The following ST6GALNAC5 variants were observed in gnomAD, a reference collection of about 807,000 sequenced individuals.
The protein encoded by ST6GALNAC5 is alpha-N-acetylgalactosaminide alpha-2,6-sialyltransferase 5.
In ST6GALNAC5, 27 loss-of-function variants were observed where a neutral mutation model predicts 33.6. The observed-to-expected ratio is 0.80, with a 90% CI of 0.59 to 1.11. ST6GALNAC5 has a LOEUF of 1.11. Ranked by LOEUF, ST6GALNAC5 falls within the 50% of genes least tolerant of loss-of-function variation. ST6GALNAC5 has a pLI of 0.00. For missense variants in ST6GALNAC5, 428 were observed against 454.0 expected, an observed-to-expected ratio of 0.94 and a Z score of 0.52; for synonymous variants, 194 against 171.2, an observed-to-expected ratio of 1.13 and a Z score of -1.04.
intron 2 of ST6GALNAC5, among the ~76,000 whole-genome samples, chr1:77,002,376 T>A (rs1570079388): frequency 6.6e-6 from 1 of 152,158 alleles, no homozygotes; most frequent in Admixed American, 6.5e-5. Context: ...TTGATTCTTC[T>A]CTCTTTTTTT....
chr1:76,873,647 C>G (rs1366553886), intron 2 of ST6GALNAC5, among the ~76,000 whole-genome samples: 1 of 152,120 alleles, frequency 6.6e-6, no homozygotes, highest in Non-Finnish European at 1.5e-5. Context: ...AAAAGTAATT[C>G]TAATAACAGG....
intron 2 of ST6GALNAC5, among the ~76,000 whole-genome samples, chr1:76,980,409 G>A (rs764791553): frequency 3.3e-5 from 5 of 152,088 alleles, no homozygotes; most frequent in Admixed American, 6.6e-5. Context: ...AGTTTTCTTT[G>A]AGGCCTAGTG....
At chr1:76,923,788 A>G (rs1342385092) in intron 2 of ST6GALNAC5, among the ~76,000 whole-genome samples, 1 of 152,162 alleles carries the variant, frequency 6.6e-6, no homozygotes, top group Non-Finnish European at 1.5e-5. Flanking sequence ...GCAGCAGAAC[A>G]ATTACGTGTA....
At chr1:77,045,184 G>C (rs979316618) in intron 3 of ST6GALNAC5, among the ~76,000 whole-genome samples, 1 of 152,134 alleles carries the variant, frequency 6.6e-6, no homozygotes. Flanking sequence ...AACCCAAACT[G>C]TTAGCTACAA....
chr1:76,868,430 C>T lies in ST6GALNAC5; in HGVS notation c.16-67C>T. 4 of 1,539,778 alleles carry T rather than the reference C, an allele frequency of 2.6e-6. No homozygotes were observed. The highest frequency in any genetic ancestry group is 3.5e-6 in the Non-Finnish European group (4 of 1,141,376). On this transcript the variant is annotated intron_variant, in intron 1 of 4. Coordinates refer to ENST00000477717, the MANE Select transcript of ST6GALNAC5 (RefSeq NM_030965.3). The surrounding 1 kb of genome is among the most constrained non-coding windows in gnomAD (Gnocchi z 4.3). ...AGAGTGACCACCGCACAGTTGTCCCCGCTGGGCGCGCTCCTCCGGTGTCTG... is the reference window on the plus strand; with the variant it reads ...AGAGTGACCACCGCACAGTTGTCCCTGCTGGGCGCGCTCCTCCGGTGTCTG...
intron 2 of ST6GALNAC5, among the ~76,000 whole-genome samples, chr1:76,893,503 G>A (rs994101783): frequency 3.3e-5 from 5 of 152,170 alleles, no homozygotes; most frequent in Non-Finnish European, 4.4e-5. Flanking sequence ...GCTGTATAAT[G>A]TGTAAGGAGT....
At chr1:77,055,063 C>T (rs1652346071) in intron 4 of ST6GALNAC5, among the ~76,000 whole-genome samples, 1 of 151,896 alleles carries the variant, frequency 6.6e-6, no homozygotes, top group African/African-American at 2.4e-5. Context: ...CACTTGTCTT[C>T]TTCCTCTCCA....
At chr1:76,912,587 G>A (rs560993954) in intron 2 of ST6GALNAC5, among the ~76,000 whole-genome samples, 1 of 151,482 alleles carries the variant, frequency 6.6e-6, no homozygotes, top group Non-Finnish European at 1.5e-5. Flanking sequence ...CTCAGGACTT[G>A]CTTTATGAAT....
In ST6GALNAC5 at chr1:77,067,032, G is replaced by A. The variant is rs1032633896; in HGVS notation, c.*3826G>A. Among the ~76,000 whole-genome samples, 1 of 152,202 alleles carries A rather than the reference G, an allele frequency of 6.6e-6. No homozygotes were observed. The highest frequency in any genetic ancestry group is 6.6e-5 in the Admixed American group (1 of 15,264). ...CATTATGGTTTGCCCAGGGCCAAGT[G>A]GGGAGTGAAGAAGAGGGGTCCCCAA... is the stretch of plus-strand genomic sequence containing the variant. On this transcript the variant is annotated 3_prime_UTR_variant, in exon 5 of 5. Transcript: ENST00000477717.
intron 2 of ST6GALNAC5, among the ~76,000 whole-genome samples, chr1:77,008,586 G>A (rs1186697025): frequency 2.0e-5 from 3 of 152,080 alleles, no homozygotes; most frequent in African/African-American, 7.2e-5. Context: ...CTGGAGTGCA[G>A]TGGCTCAATC....
At chr1:76,877,905 G>A (rs977627480) in intron 2 of ST6GALNAC5, among the ~76,000 whole-genome samples, 2 of 152,236 alleles carry the variant, frequency 1.3e-5, no homozygotes, top group East Asian at 1.9e-4. Flanking sequence ...GGAGAAAAAG[G>A]CATTTGCCGA....
chr1:77,049,134 CCTCT>C (rs1314314403), intron 3 of ST6GALNAC5, among the ~76,000 whole-genome samples: 4 of 152,230 alleles, frequency 2.6e-5, no homozygotes, highest in South Asian at 2.1e-4. Flanking sequence ...TTAAAAATGT[CCTCT>C]CTCTATTTTT....
intron 2 of ST6GALNAC5, among the ~76,000 whole-genome samples, chr1:77,007,360 T>A (rs1280054164): frequency 6.6e-6 from 1 of 152,232 alleles, no homozygotes; most frequent in Admixed American, 6.5e-5. Context: ...GAGGGTTCAT[T>A]CATTAATTTA....
intron 2 of ST6GALNAC5, among the ~76,000 whole-genome samples, chr1:76,902,561 C>T (rs1364841482): frequency 6.6e-6 from 1 of 152,030 alleles, no homozygotes. Flanking sequence ...TTGCAGGGGA[C>T]TCAGAATAGC....
chr1:76,879,681 G>T (rs1203554917), intron 2 of ST6GALNAC5, among the ~76,000 whole-genome samples: 2 of 152,178 alleles, frequency 1.3e-5, no homozygotes, highest in Non-Finnish European at 2.9e-5. Flanking sequence ...GCAGCACAGG[G>T]TTTATGTCCT....
chr1:77,006,431 C>T (rs961642203), intron 2 of ST6GALNAC5, among the ~76,000 whole-genome samples: 16 of 151,058 alleles, frequency 1.1e-4, no homozygotes, highest in South Asian at 4.2e-4. Context: ...CTCCTGCCTC[C>T]GCCTCCTGAG....
intron 2 of ST6GALNAC5, among the ~76,000 whole-genome samples, chr1:76,909,335 C>G (rs2100277184): frequency 6.6e-6 from 1 of 152,178 alleles, no homozygotes; most frequent in South Asian, 2.1e-4. Flanking sequence ...CTTACACTCC[C>G]AAAGCCTCAG....
rs201393696 is a variant in ST6GALNAC5, at chr1:76,919,736, AAAAC to A, written c.261+51011_261+51014del. ...AAGCCAAGAGTTCTTAGTTACTTGA[AAAAC>A]AAACAAACAAACAAACTTCTGACCT... On this transcript the variant is annotated intron_variant, in intron 2 of 4. Coordinates refer to ENST00000477717, the MANE Select transcript of ST6GALNAC5 (RefSeq NM_030965.3). 6.8e-3 allele frequency among the ~76,000 whole-genome samples: 1,028 copies of A among 152,292 alleles called. 6 individuals are homozygous for A. The highest frequency in any genetic ancestry group is 9.8e-3 in the Non-Finnish European group (666 of 68,020).
chr1:76,876,549 A>T (rs1653642972), intron 2 of ST6GALNAC5, among the ~76,000 whole-genome samples: 1 of 152,060 alleles, frequency 6.6e-6, no homozygotes, highest in Non-Finnish European at 1.5e-5. Context: ...CTCTTCCTTA[A>T]ATTTCTTTGT....
Sources: gnomAD v4.1 joint callset for allele counts (sites outside exome capture counted in the v4.1 genomes callset) on GRCh38, gnomAD v4.1.1 for gene constraint, Gnocchi (gnomAD v3.1) non-coding constraint, MANE v1.5 for transcripts, NCBI Gene and HGNC (gene_info 2026-07-23, HGNC 2026-07-21) for gene names.